The following CDH4 variants were observed in gnomAD, a reference collection of about 807,000 sequenced individuals.
CDH4 encodes cadherin 4, also known as cadherin-4.
A neutral mutation model predicts 86.0 loss-of-function variants in CDH4; 33 were observed. The observed-to-expected ratio is 0.38, with a 90% CI of 0.29 to 0.51. The LOEUF (loss-of-function observed/expected upper bound fraction) is 0.51. CDH4 is among the 20% of genes least tolerant of loss of function. The pLI is 0.86. For synonymous variants in CDH4, 555 were observed against 549.4 expected (o/e 1.01, Z -0.14); for missense variants, 1,114 against 1,307.4 (o/e 0.85, Z 2.28).
intron 4 of CDH4, among the ~76,000 whole-genome samples, chr20:61,783,630 A>G (rs62204658): frequency 0.46 from 54,244 of 117,564 alleles, 14,019 homozygotes; most frequent in East Asian, 0.73. Context: ...CCAGGAGAAT[A>G]TAAGCCTAGT....
chr20:61,617,411 A>G (rs2086734010), intron 2 of CDH4, among the ~76,000 whole-genome samples: 1 of 152,188 alleles, frequency 6.6e-6, no homozygotes, highest in South Asian at 2.1e-4. Context: ...ATTTCTCACA[A>G]AGCATTGTAG....
At chr20:61,600,182 G>C (rs1280258503) in intron 2 of CDH4, among the ~76,000 whole-genome samples, 2 of 152,242 alleles carry the variant, frequency 1.3e-5, no homozygotes, top group Non-Finnish European at 2.9e-5. Context: ...CGGTGAGGCC[G>C]CTGCTGCAGA....
intron 2 of CDH4, among the ~76,000 whole-genome samples, chr20:61,578,082 T>C (rs1011357982): frequency 2.0e-5 from 3 of 152,134 alleles, no homozygotes; most frequent in African/African-American, 7.2e-5. Context: ...GTCCCGACCC[T>C]CAGCTCTACT....
intron 4 of CDH4, among the ~76,000 whole-genome samples, chr20:61,778,912 G>A (rs1948115356): frequency 6.6e-6 from 1 of 152,208 alleles, no homozygotes; most frequent in African/African-American, 2.4e-5. Flanking sequence ...CAAGCACCAT[G>A]CGGGCACTGG....
intron 2 of CDH4, among the ~76,000 whole-genome samples, chr20:61,459,396 G>A (rs910428020): frequency 2.0e-5 from 3 of 151,796 alleles, no homozygotes; most frequent in Non-Finnish European, 4.4e-5. Context: ...CCCCAACCCC[G>A]GGGTTCCCAC....
chr20:61,647,152 G>T (rs976319567), intron 2 of CDH4, among the ~76,000 whole-genome samples: 33 of 152,196 alleles, frequency 2.2e-4, no homozygotes, highest in African/African-American at 7.5e-4. Context: ...CATCCAGCCA[G>T]TATAGCGCCA....
At chr20:61,891,271 G>A (rs1984805980) in intron 7 of CDH4, among the ~76,000 whole-genome samples, 1 of 152,180 alleles carries the variant, frequency 6.6e-6, no homozygotes, top group Non-Finnish European at 1.5e-5. Context: ...ACGGCTATGT[G>A]GTCAGCAGAA....
At chr20:61,889,233 C>G (rs746068228) in intron 7 of CDH4, among the ~76,000 whole-genome samples, 12 of 152,184 alleles carry the variant, frequency 7.9e-5, no homozygotes, top group Non-Finnish European at 1.8e-4. Flanking sequence ...GATGAGAGGA[C>G]CTCAGCTTCC....
intron 7 of CDH4, among the ~76,000 whole-genome samples, chr20:61,894,315 A>C (rs76536889): frequency 0.015 from 2,360 of 152,300 alleles, 68 homozygotes; most frequent in African/African-American, 0.054. Context: ...TCCTGCCAAG[A>C]CTTATTTGCC....
At chr20:61,882,069 C>T (rs1026077073) in intron 7 of CDH4, among the ~76,000 whole-genome samples, 1 of 152,182 alleles carries the variant, frequency 6.6e-6, no homozygotes, top group Non-Finnish European at 1.5e-5. Context: ...TGGATGGAGC[C>T]GGACCCTGCC....
intron 2 of CDH4, 75 bp downstream of exon 2, chr20:61,255,012 G>A: frequency 1.1e-6 from 1 of 875,430 alleles, no homozygotes; most frequent in Non-Finnish European, 2.0e-6. Flanking sequence ...GATGGGAGAG[G>A]CAAGGCTTGC....
In CDH4 at chr20:61,902,883, G is replaced by A. The variant is rs1402288138; in HGVS notation, c.1189-7539G>A. On this transcript the variant is annotated intron_variant, in intron 8 of 15. Coordinates refer to ENST00000614565, the MANE Select transcript of CDH4 (RefSeq NM_001794.5). This position sits in a 1 kb window ranked among gnomAD's most constrained non-coding sequence, Gnocchi z 4.6. ...AAATCTCACACCACACACAGCAGAG[G>A]TGGCACAGGCCTGTAGCTCCAGCTA... is the stretch of plus-strand genomic sequence containing the variant. Among the ~76,000 whole-genome samples the A allele has an allele frequency of 6.6e-6, 1 of 152,124 alleles. No individual in the cohort carries two copies. Among genetic ancestry groups the A allele is most frequent in the Non-Finnish European group, 1.5e-5 (1 of 68,018 alleles).
At chr20:61,767,135 C>T (rs1371342773) in intron 3 of CDH4, among the ~76,000 whole-genome samples, 3 of 152,210 alleles carry the variant, frequency 2.0e-5, no homozygotes, top group East Asian at 1.9e-4. Flanking sequence ...GGCCCGGGCC[C>T]GTGCAGGACT....
intron 2 of CDH4, among the ~76,000 whole-genome samples, chr20:61,507,852 A>C (rs1397206777): frequency 6.6e-6 from 1 of 152,256 alleles, no homozygotes; most frequent in African/African-American, 2.4e-5. Context: ...TAAACAGCAG[A>C]GGAAACAGGG....
chr20:61,414,844 T>C (rs2085138163), intron 2 of CDH4, among the ~76,000 whole-genome samples: 1 of 152,158 alleles, frequency 6.6e-6, no homozygotes, highest in African/African-American at 2.4e-5. Context: ...CCTCCCGTGG[T>C]GAGAGTGGCA....
chr20:61,383,183 ATATATATGAATATATT>A lies in CDH4; in HGVS notation c.169+128262_169+128277del, dbSNP rs1342029726. ...ATTATATATATGAATATATTTATGA[ATATATATGAATATATT>A]TATATATGAATATATATGAATATAT... On this transcript the variant is annotated intron_variant, in intron 2 of 15. Transcript: ENST00000614565. Among the ~76,000 whole-genome samples, 3 of 84,166 alleles carry A rather than the reference ATATATATGAATATATT, an allele frequency of 3.6e-5. 1 individual carries two copies. Among genetic ancestry groups the A allele is most frequent in the African/African-American group, 1.4e-4 (2 of 14,626 alleles). 55.2% of individuals were successfully genotyped at this position (84,166 alleles called of 152,430 possible). A position where few individuals can be genotyped will look rare whatever the true frequency, so the allele number is the denominator to read the frequency against.
intron 2 of CDH4, among the ~76,000 whole-genome samples, chr20:61,557,388 G>T (rs775101911): frequency 1.6e-4 from 24 of 152,184 alleles, no homozygotes; most frequent in Non-Finnish European, 3.2e-4. Context: ...CCGACCGTTG[G>T]CTGATCCAAG....
chr20:61,887,156 T>G (rs1414033804), intron 7 of CDH4, among the ~76,000 whole-genome samples: 3 of 151,580 alleles, frequency 2.0e-5, no homozygotes, highest in Non-Finnish European at 4.4e-5. Context: ...ATGGGCACAG[T>G]GATGAGGTCA....
At chr20:61,628,661 G>A (rs1040758598) in intron 2 of CDH4, among the ~76,000 whole-genome samples, 5 of 152,224 alleles carry the variant, frequency 3.3e-5, no homozygotes, top group African/African-American at 9.6e-5. Flanking sequence ...GGGATGGCCC[G>A]GGTGCACCCC....
Sources: allele counts gnomAD v4.1 joint callset (sites outside exome capture counted in the v4.1 genomes callset), GRCh38; gene constraint gnomAD v4.1.1; non-coding constraint Gnocchi (gnomAD v3.1); transcripts MANE v1.5; gene names NCBI Gene and HGNC (gene_info 2026-07-23, HGNC 2026-07-21).